PPL: variants seen among roughly 807,000 people sequenced by gnomAD.
The protein encoded by PPL is periplakin, also known as 190 kDa paraneoplastic pemphigus antigen.
Under a neutral mutation model 194.4 loss-of-function variants are expected in PPL, and 198 were observed. That is an observed-to-expected ratio of 1.02 (90% CI 0.91 to 1.15). The LOEUF (loss-of-function observed/expected upper bound fraction) is 1.15, where lower values mean the gene tolerates loss of function less well. Among genes scored for constraint, PPL ranks in the 50% most tolerant of loss-of-function variants. The pLI is 0.00. For missense variants in PPL, 2,885 were observed against 2,294.8 expected (o/e 1.26, Z -5.25); for synonymous variants, 1,220 against 972.4 (o/e 1.25, Z -4.74).
chr16:4,909,008 G>C (rs530315208), intron 2 of PPL, among the ~76,000 whole-genome samples: 1 of 152,232 alleles, frequency 6.6e-6, no homozygotes, highest in South Asian at 2.1e-4. Flanking sequence ...GGCAGAGGAT[G>C]TAACTGCAAA....
At chr16:4,895,822 C>A in intron 9 of PPL, 106 bp from the exon 10 acceptor site, 6 of 1,481,876 alleles carry the variant, frequency 4.0e-6, no homozygotes, top group Non-Finnish European at 5.6e-6. Flanking sequence ...GCCTCCGGTT[C>A]ACCTGGAGTC....
rs1316091339 is a variant in PPL at position 4,891,795 on chromosome 16, T to G, written c.1968+16A>C. 5 of 1,596,494 alleles carry G rather than the reference T, an allele frequency of 3.1e-6. No homozygotes were observed. Among genetic ancestry groups the G allele is most frequent in the Non-Finnish European group, 3.4e-6 (4 of 1,172,338 alleles). ...TGCTCAGAGAAGGACTCCCAGGACT[T>G]GGGCCCTAGACTCACCGCCAGCTCC... On this transcript the variant is annotated intron_variant, in intron 16 of 21. Transcript: ENST00000345988.
At chr16:4,898,339 T>C (rs940719757) in intron 8 of PPL, among the ~76,000 whole-genome samples, 2 of 152,052 alleles carry the variant, frequency 1.3e-5, no homozygotes, top group African/African-American at 4.8e-5. Flanking sequence ...GATTACACCA[T>C]CGCACTCCAG....
intron 6 of PPL, among the ~76,000 whole-genome samples, chr16:4,899,838 G>A (rs928552605): frequency 7.9e-5 from 12 of 152,258 alleles, no homozygotes; most frequent in South Asian, 4.1e-4. Flanking sequence ...TATCATGATC[G>A]TCTTATAGAG....
In PPL at chr16:4,890,900, C is replaced by T. The variant is rs762394319; in HGVS notation, c.1990G>A (p.Ala664Thr). 1.5e-5 allele frequency: 23 copies of T among 1,532,326 alleles called. No individual in the cohort carries two copies. The highest frequency in any genetic ancestry group is 1.2e-5 in the Non-Finnish European group (14 of 1,133,260). The allele number at this position is 1,532,326 out of a possible 1,614,324, so 94.9% of individuals were successfully genotyped here. Reference protein sequence around the residue: ...ELAAMACELQAQKSLLGEVEQ... With the variant: ...ELAAMACELQTQKSLLGEVEQ... ...ACCTCACCCAGGAGGGACTTCTGGG[C>T]CTGTAACTCACAGGCCATGGCCTGG... The change falls in exon 17 of 22, where the codon GCC (alanine) becomes ACC (threonine). Residue 664 changes from alanine to threonine, a missense_variant. Physicochemically the swap from Ala to Thr is moderately conservative, Grantham distance 58. Transcript: ENST00000345988.
Position 4,883,349 on chromosome 16 carries a change from G to T in PPL, c.*35C>A. ...GTCACTGCGTCGTAGGAGAGGGCCA[G>T]CGTCTGCCGTTACGAAGAGTTGCAA... On this transcript the variant is annotated 3_prime_UTR_variant, in exon 22 of 22. Transcript: ENST00000345988. The surrounding 1 kb of genome is among the most constrained non-coding windows in gnomAD (Gnocchi z 4.8). 1 of 1,610,956 alleles carries T rather than the reference G, an allele frequency of 6.2e-7. No homozygotes were observed. The highest frequency in any genetic ancestry group is 2.2e-5 in the East Asian group (1 of 44,878).
At position 4,889,293 on chromosome 16, in the gene PPL, C is replaced by T. The variant is rs1418717175; in HGVS notation, c.2314-232G>A. 2.2e-4 allele frequency among the ~76,000 whole-genome samples: 25 copies of T among 116,224 alleles called. 1 individual carries two copies. Among genetic ancestry groups the T allele is most frequent in the South Asian group, 1.3e-3 (4 of 3,146 alleles). The allele number at this position is 116,224 out of a possible 152,430, so 76.2% of individuals were successfully genotyped here. On this transcript the variant is annotated intron_variant, in intron 18 of 21. Transcript: ENST00000345988. ...TTTTTTTGAGACAGTCTCACTGCAT[C>T]GCCCAGGCTGGAGTACAGTGGCGCG...
Position 4,885,680 on chromosome 16 carries a change from T to C in PPL, c.2975A>G (p.Tyr992Cys), listed in dbSNP as rs1370186827. The change falls in exon 22 of 22, where the codon TAC becomes TGC. Residue 992 changes from tyrosine to cysteine, a missense_variant. Transcript: ENST00000345988. This position sits in a 1 kb window ranked among gnomAD's most constrained non-coding sequence, Gnocchi z 6.3. Reference sequence around the variant, plus strand: ...GATGCGCAGGACCTCCTTGACCACGTACTCCTGCCCCCCGTCTCTGGTCTC... The same window carrying C: ...GATGCGCAGGACCTCCTTGACCACGCACTCCTGCCCCCCGTCTCTGGTCTC... ...EQETRDGGQE[Y>C]VVKEVLRIEP... 7.4e-6 allele frequency: 12 copies of C among 1,613,136 alleles called. No homozygotes were observed. The highest frequency in any genetic ancestry group is 1.1e-5 in the South Asian group (1 of 91,036).
At chr16:4,895,440 A>G (rs1456133085) in intron 10 of PPL, 33 bp from the exon 11 acceptor site, 2 of 1,608,472 alleles carry the variant, frequency 1.2e-6, no homozygotes, top group Non-Finnish European at 1.7e-6. Context: ...CCCAGGTGAG[A>G]CCAACAGCCT....
intron 12 of PPL, among the ~76,000 whole-genome samples, 163 bp downstream of exon 12, chr16:4,894,303 AT>A (rs2142348091): frequency 6.6e-6 from 1 of 152,290 alleles, no homozygotes; most frequent in East Asian, 1.9e-4. Context: ...CTGGCCCACA[AT>A]CTGCCCCTCT....
At chr16:4,891,473 C>G in intron 16 of PPL, 4 of 185,858 alleles carry the variant, frequency 2.2e-5, no homozygotes, top group East Asian at 2.1e-4. Context: ...GAGATAGGGT[C>G]TTGCAACGTT....
At chr16:4,931,570 G>GGGGC (rs1471638115) in intron 1 of PPL, among the ~76,000 whole-genome samples, 18 of 152,296 alleles carry the variant, frequency 1.2e-4, no homozygotes, top group East Asian at 7.7e-4. Context: ...AAGACAGGCC[G>GGGGC]GGGCAGGCAG....
At chr16:4,907,312 A>T (rs1207098995) in intron 2 of PPL, among the ~76,000 whole-genome samples, 1,734 of 6,996 alleles carry the variant, frequency 0.25, 39 homozygotes, top group African/African-American at 0.31. Context: ...CTAATCTCAC[A>T]CACACACACA....
chr16:4,915,725 C>G (rs551237182), intron 1 of PPL, among the ~76,000 whole-genome samples: 2 of 152,172 alleles, frequency 1.3e-5, no homozygotes, highest in Non-Finnish European at 2.9e-5. Context: ...TTACTCTCTA[C>G]GTGCCAGGCT....
chr16:4,912,558 GAT>G (rs767710101), intron 1 of PPL, among the ~76,000 whole-genome samples: 1 of 152,198 alleles, frequency 6.6e-6, no homozygotes, highest in African/African-American at 2.4e-5. Context: ...TTAATTACCT[GAT>G]ATTTTTCTTT....
Position 4,892,126 on chromosome 16 carries a change from T to A in PPL, c.1738A>T (p.Ser580Cys). 1 of 1,613,700 alleles carries A rather than the reference T, an allele frequency of 6.2e-7. No individual in the cohort carries two copies. Among genetic ancestry groups the A allele is most frequent in the African/African-American group, 1.3e-5 (1 of 75,062 alleles). Residue 580 changes from serine to cysteine, a missense_variant, in exon 15 of 22, where the codon AGT (serine) becomes TGT (cysteine). Ser to Cys is a moderately radical substitution (Grantham distance 112). Coordinates refer to ENST00000345988, the MANE Select transcript of PPL (RefSeq NM_002705.5). The part of the protein sequence containing the change: ...GEAFIQALPG[S>C]GTTPLLRTRV... Reference sequence around the variant, plus strand: ...GTCCTCAGCAGGGGTGTGGTGCCACTGCCTGGGAGGGCCTGGATGAAGGCT... The same window carrying A: ...GTCCTCAGCAGGGGTGTGGTGCCACAGCCTGGGAGGGCCTGGATGAAGGCT...
At chr16:4,889,189 T>TCCCTTGTATA (rs2088268900) in intron 18 of PPL, 128 bp from the exon 19 acceptor site, 1 of 648,594 alleles carries the variant, frequency 1.5e-6, no homozygotes, top group African/African-American at 1.9e-5. Context: ...GATGAATGGC[T>TCCCTTGTATA]CCCTTGTATA....
At chr16:4,929,826 G>C (rs2089205264) in intron 1 of PPL, among the ~76,000 whole-genome samples, 1 of 151,752 alleles carries the variant, frequency 6.6e-6, no homozygotes, top group African/African-American at 2.4e-5. Context: ...GCTAAGACTA[G>C]AGGCATGCAC....
chr16:4,917,996 A>AAAC (rs2088959450), intron 1 of PPL, among the ~76,000 whole-genome samples: 2 of 151,428 alleles, frequency 1.3e-5, no homozygotes, highest in African/African-American at 4.9e-5. Flanking sequence ...CAAAAAAAAA[A>AAAC]AACACAAAAA....
Sources: gnomAD v4.1 joint callset for allele counts (sites outside exome capture counted in the v4.1 genomes callset) on GRCh38, gnomAD v4.1.1 for gene constraint, Gnocchi (gnomAD v3.1) non-coding constraint, MANE v1.5 for transcripts, NCBI Gene and HGNC (gene_info 2026-07-23, HGNC 2026-07-21) for gene names.